NRXN2: variants seen among roughly 807,000 people sequenced by gnomAD.
The protein encoded by NRXN2 is neurexin 2, also known as neurexin-2-beta.
A neutral mutation model predicts 128.8 loss-of-function variants in NRXN2; 29 were observed. The observed-to-expected ratio is 0.23, with a 90% CI of 0.17 to 0.31. The LOEUF (loss-of-function observed/expected upper bound fraction) is 0.31. Among genes scored for constraint, NRXN2 ranks in the 10% least tolerant of loss-of-function variants. NRXN2 has a pLI of 1.00. For missense variants in NRXN2, 1,881 were observed against 2,452.6 expected (o/e 0.77, Z 4.92); for synonymous variants, 1,098 against 1,075.2 (o/e 1.02, Z -0.41).
In NRXN2 at chr11:64,651,568, G is replaced by C; in HGVS notation, c.2605C>G (p.Arg869Gly). ...TTGGAGGGCACCACGGAGATAAACC[G>C]CCGCTCCGTCATGATGCCCGTCTCA... ...NIETGIMTERRFISVVPSNFI... is the reference protein window; with the variant it reads ...NIETGIMTERGFISVVPSNFI... Residue 869 changes from arginine to glycine, a missense_variant, in exon 14 of 23, where the codon CGG (arginine) becomes GGG (glycine). This residue lies in a region of NRXN2 where 390 missense variants were observed against 599.6 expected (regional missense o/e 0.65). Transcript: ENST00000265459. This position sits in a 1 kb window ranked among gnomAD's most constrained non-coding sequence, Gnocchi z 5.9. The C allele has an allele frequency of 6.2e-7, 1 of 1,614,106 alleles. No homozygotes were observed. The highest frequency in any genetic ancestry group is 8.5e-7 in the Non-Finnish European group (1 of 1,180,012).
At chr11:64,653,225 AGGGCTCC>A (rs2047730816) in intron 12 of NRXN2, among the ~76,000 whole-genome samples, 2 of 152,098 alleles carry the variant, frequency 1.3e-5, no homozygotes, top group African/African-American at 4.8e-5. Context: ...GGAGCTGAAG[AGGGCTCC>A]CTTCCCACCC....
At chr11:64,712,810 G>A (rs1480007346) in intron 2 of NRXN2, 160 bp downstream of exon 2, 41 of 607,368 alleles carry the variant, frequency 6.8e-5, no homozygotes, top group Non-Finnish European at 3.0e-6. Context: ...GCCCTCGCCC[G>A]GACACGCGTC....
intron 11 of NRXN2, chr11:64,656,184 T>A (rs933793292): frequency 6.6e-6 from 1 of 152,174 alleles, no homozygotes; most frequent in Non-Finnish European, 1.5e-5. Flanking sequence ...AGTGGCAGCA[T>A]GCACTCTGTC....
At chr11:64,614,580 C>T (rs879851508) in intron 22 of NRXN2, among the ~76,000 whole-genome samples, 4 of 152,246 alleles carry the variant, frequency 2.6e-5, no homozygotes, top group Non-Finnish European at 5.9e-5. Context: ...AGAGCAGAAT[C>T]TCTCCCAGGG....
intron 5 of NRXN2, chr11:64,688,715 G>T (rs2053428940): frequency 1.0e-6 from 1 of 985,278 alleles, no homozygotes; most frequent in South Asian, 4.7e-5. Flanking sequence ...CAGTTGGGGA[G>T]TCTGTAGCCC....
intron 9 of NRXN2, among the ~76,000 whole-genome samples, chr11:64,664,179 A>C (rs2049443275): frequency 6.6e-6 from 1 of 152,208 alleles, no homozygotes; most frequent in South Asian, 2.1e-4. Flanking sequence ...CTGCATACTT[A>C]AAAATGGTTA....
intron 3 of NRXN2, 102 bp from the exon 4 acceptor site, chr11:64,692,978 C>A: frequency 9.7e-7 from 1 of 1,034,126 alleles, no homozygotes; most frequent in Non-Finnish European, 1.5e-6. Context: ...CAAAATCAGC[C>A]AGAGAGAAGG....
chr11:64,629,338 A>T (rs1296649279), intron 19 of NRXN2, among the ~76,000 whole-genome samples: 1 of 150,874 alleles, frequency 6.6e-6, no homozygotes, highest in East Asian at 1.9e-4. Context: ...CTCCCTCTTT[A>T]TCTCCCATGC....
intron 11 of NRXN2, among the ~76,000 whole-genome samples, chr11:64,656,384 C>CGGGAATTTCACAATAAGT (rs3216873): frequency 0.32 from 48,058 of 150,392 alleles, 9,570 homozygotes; most frequent in African/African-American, 0.56. Context: ...GCAGAACTAA[C>CGGGAATTTCACAATAAGT]GGGAATTTCA....
At chr11:64,716,462 C>T (rs1448246352) in intron 1 of NRXN2, among the ~76,000 whole-genome samples, 1 of 152,050 alleles carries the variant, frequency 6.6e-6, no homozygotes, top group Admixed American at 6.5e-5. Flanking sequence ...GTCCTGAGAG[C>T]CAAAGGGAAT....
intron 2 of NRXN2, among the ~76,000 whole-genome samples, chr11:64,710,168 A>T: frequency 6.6e-6 from 1 of 151,940 alleles, no homozygotes; most frequent in East Asian, 1.9e-4. Context: ...TCAGCCTCCC[A>T]AAGTGCTGGG....
intron 2 of NRXN2, among the ~76,000 whole-genome samples, chr11:64,710,270 G>A (rs1292666612): frequency 3.9e-5 from 6 of 151,914 alleles, no homozygotes; most frequent in Non-Finnish European, 2.9e-5. Context: ...CACACAATGG[G>A]TCAGATACAT....
At position 64,715,313 on chromosome 11, in the gene NRXN2, G is replaced by A. The variant is rs139435517; in HGVS notation, c.-244-1370C>T. 8.8e-4 allele frequency among the ~76,000 whole-genome samples: 134 copies of A among 152,298 alleles called. 1 individual carries two copies. Among genetic ancestry groups the A allele is most frequent in the Non-Finnish European group, 1.7e-3 (114 of 68,034 alleles). On this transcript the variant is annotated intron_variant, in intron 1 of 22. Transcript: ENST00000265459. ...CTGGGGACTTGCCCAAGGTCACACG[G>A]CCAGTCAGCGGGGAACTGAGACTCA...
At position 64,651,746 on chromosome 11, in the gene NRXN2, T is replaced by G; in HGVS notation, c.2537-110A>C. ...GAGGGCCACCCATGAGTGACATCTT[T>G]AGAGATGTCCTCGGCTAGGCACTAG... On this transcript the variant is annotated intron_variant, in intron 13 of 22. Transcript: ENST00000265459. This position sits in a 1 kb window ranked among gnomAD's most constrained non-coding sequence, Gnocchi z 5.9. 1 of 1,251,918 alleles carries G rather than the reference T, an allele frequency of 8.0e-7. No individual in the cohort carries two copies. Among genetic ancestry groups the G allele is most frequent in the Non-Finnish European group, 1.1e-6 (1 of 882,372 alleles). 77.6% of individuals were successfully genotyped at this position (1,251,918 alleles called of 1,614,324 possible).
intron 9 of NRXN2, among the ~76,000 whole-genome samples, chr11:64,664,483 A>G (rs1324819785): frequency 6.6e-6 from 1 of 151,810 alleles, no homozygotes; most frequent in Non-Finnish European, 1.5e-5. Context: ...CGTGTCAAAA[A>G]AAAAAAAAAA....
Position 64,622,617 on chromosome 11 carries a change from G to A in NRXN2, c.4173+136C>T. 1.5e-6 allele frequency: 2 copies of A among 1,305,602 alleles called. No homozygotes were observed. Among genetic ancestry groups the A allele is most frequent in the Admixed American group, 2.2e-5 (1 of 46,374 alleles). 80.9% of individuals were successfully genotyped at this position (1,305,602 alleles called of 1,614,324 possible). Reference sequence around the variant, plus strand: ...CCTTGCCCATCGCCATGGCAACAAAGTCAGCGACAGCAGCCTTCAGGATCC... The same window carrying A: ...CCTTGCCCATCGCCATGGCAACAAAATCAGCGACAGCAGCCTTCAGGATCC... On this transcript the variant is annotated intron_variant, in intron 21 of 22. Coordinates refer to ENST00000265459, the MANE Select transcript of NRXN2 (RefSeq NM_015080.4). This position sits in a 1 kb window ranked among gnomAD's most constrained non-coding sequence, Gnocchi z 4.3.
At chr11:64,664,989 CA>C (rs1164012867) in intron 9 of NRXN2, among the ~76,000 whole-genome samples, 80 of 93,122 alleles carry the variant, frequency 8.6e-4, no homozygotes, top group Admixed American at 1.2e-3. Flanking sequence ...GACTTCGTCT[CA>C]AAAAAAAAAA....
intron 22 of NRXN2, among the ~76,000 whole-genome samples, chr11:64,614,351 T>C (rs1298158864): frequency 6.6e-6 from 1 of 152,138 alleles, no homozygotes; most frequent in Non-Finnish European, 1.5e-5. Context: ...TAAATGAGGC[T>C]TGAGAACTGT....
intron 17 of NRXN2, chr11:64,642,446 T>A (rs2045838603): frequency 6.8e-7 from 1 of 1,472,026 alleles, no homozygotes; most frequent in African/African-American, 1.5e-5. Flanking sequence ...CGTGCACAGC[T>A]GGGGTGGGGC....
Sources: allele counts gnomAD v4.1 joint callset (sites outside exome capture counted in the v4.1 genomes callset), GRCh38; gene constraint gnomAD v4.1.1; regional missense constraint gnomAD v4.1.1; non-coding constraint Gnocchi (gnomAD v3.1); transcripts MANE v1.5; gene names NCBI Gene and HGNC (gene_info 2026-07-23, HGNC 2026-07-21).